The following CDK14 variants were observed in gnomAD, a reference collection of about 807,000 sequenced individuals.
CDK14 encodes the protein cyclin dependent kinase 14, also known as cyclin-dependent kinase 14.
CDK14 carries 34 observed loss-of-function variants against 60.7 expected under a neutral mutation model. The observed-to-expected ratio is 0.56, with a 90% CI of 0.43 to 0.75. The LOEUF (loss-of-function observed/expected upper bound fraction) is 0.75, where lower values mean the gene tolerates loss of function less well. Ranked by LOEUF, CDK14 falls within the 30% of genes least tolerant of loss-of-function variation. The pLI, the probability that CDK14 is intolerant of heterozygous loss-of-function variation, is 0.00. For missense variants in CDK14, 482 were observed against 564.1 expected, an observed-to-expected ratio of 0.85 and a Z score of 1.47; for synonymous variants, 197 against 203.7, an observed-to-expected ratio of 0.97 and a Z score of 0.28.
At chr7:91,168,132 C>T (rs1008601489) in intron 14 of CDK14, among the ~76,000 whole-genome samples, 2 of 151,918 alleles carry the variant, frequency 1.3e-5, no homozygotes, top group Non-Finnish European at 2.9e-5. Context: ...CGTGGTGGCG[C>T]ACGTCTGTAA....
At chr7:91,039,840 C>T (rs1018154087) in intron 10 of CDK14, among the ~76,000 whole-genome samples, 6 of 152,014 alleles carry the variant, frequency 3.9e-5, no homozygotes, top group Non-Finnish European at 8.8e-5. Flanking sequence ...ACCCGTAGTC[C>T]TAGAACTTTG....
At chr7:90,644,007 G>C (rs1238030018) in intron 2 of CDK14, among the ~76,000 whole-genome samples, 1 of 152,162 alleles carries the variant, frequency 6.6e-6, no homozygotes, top group Non-Finnish European at 1.5e-5. Flanking sequence ...TATGGAAGTA[G>C]TTAAAATTAA....
chr7:91,018,712 A>G (rs1796363903), intron 10 of CDK14, among the ~76,000 whole-genome samples: 1 of 151,980 alleles, frequency 6.6e-6, no homozygotes, highest in South Asian at 2.1e-4. Context: ...AGTGTGCAGC[A>G]CCTCGCCCTT....
chr7:90,688,410 T>A (rs1801485326), intron 2 of CDK14, among the ~76,000 whole-genome samples: 1 of 152,204 alleles, frequency 6.6e-6, no homozygotes, highest in Non-Finnish European at 1.5e-5. Flanking sequence ...TTAATCTTTT[T>A]CTCTTAGGGT....
chr7:91,012,610 A>G (rs2115824145), intron 10 of CDK14, among the ~76,000 whole-genome samples: 1 of 152,256 alleles, frequency 6.6e-6, no homozygotes, highest in East Asian at 1.9e-4. Flanking sequence ...ACCTGTCTCT[A>G]GAATCACTTT....
chr7:90,597,036 G>T (rs1799207122), intron 1 of CDK14, among the ~76,000 whole-genome samples: 1 of 152,216 alleles, frequency 6.6e-6, no homozygotes, highest in African/African-American at 2.4e-5. Context: ...CCCCCACCGC[G>T]CAAGGGGCTG....
chr7:90,813,629 A>T (rs1388082629), intron 5 of CDK14, among the ~76,000 whole-genome samples: 1 of 152,060 alleles, frequency 6.6e-6, no homozygotes, highest in African/African-American at 2.4e-5. Flanking sequence ...TGTGCCTGTA[A>T]TCCCAGCTAC....
intron 11 of CDK14, among the ~76,000 whole-genome samples, 180 bp from the exon 12 acceptor site, chr7:91,079,252 T>C (rs1238722541): frequency 6.6e-6 from 1 of 152,220 alleles, no homozygotes; most frequent in Admixed American, 6.5e-5. Flanking sequence ...CACCGTTTAA[T>C]ATGTTGTTAT....
chr7:91,187,190 G>A (rs540023022), intron 14 of CDK14, among the ~76,000 whole-genome samples: 68 of 152,180 alleles, frequency 4.5e-4, no homozygotes, highest in African/African-American at 1.5e-3. Context: ...TACTCATCTC[G>A]TAGTTCTTTG....
At chr7:91,185,111 G>A (rs978485189) in intron 14 of CDK14, among the ~76,000 whole-genome samples, 2 of 147,990 alleles carry the variant, frequency 1.4e-5, no homozygotes, top group African/African-American at 5.0e-5. Context: ...TGAGTATCTC[G>A]TATGTCCCAG....
intron 14 of CDK14, among the ~76,000 whole-genome samples, chr7:91,132,169 A>G (rs952096851): frequency 2.0e-5 from 3 of 152,164 alleles, no homozygotes; most frequent in East Asian, 1.9e-4. Context: ...ATGAAGCTAT[A>G]TGGGAGAGCA....
chr7:91,045,063 A>G (rs1797194937), intron 10 of CDK14, among the ~76,000 whole-genome samples: 1 of 152,194 alleles, frequency 6.6e-6, no homozygotes, highest in Admixed American at 6.5e-5. Flanking sequence ...TAAATAGGGG[A>G]GCAAGGATTT....
At chr7:90,769,639 G>T (rs1029420979) in intron 4 of CDK14, among the ~76,000 whole-genome samples, 8 of 152,018 alleles carry the variant, frequency 5.3e-5, no homozygotes, top group African/African-American at 1.9e-4. Context: ...GCTAATTTTT[G>T]TATTTTTAGT....
intron 11 of CDK14, among the ~76,000 whole-genome samples, chr7:91,051,582 G>A (rs1797392056): frequency 6.6e-6 from 1 of 152,186 alleles, no homozygotes; most frequent in Non-Finnish European, 1.5e-5. Flanking sequence ...TGAGGTGAGA[G>A]ATTGTGCTGT....
intron 14 of CDK14, among the ~76,000 whole-genome samples, chr7:91,179,438 G>A (rs1379676711): frequency 1.4e-4 from 21 of 151,252 alleles, no homozygotes; most frequent in Non-Finnish European, 2.2e-4. Flanking sequence ...GCACCAGCAT[G>A]GCACATGTAT....
chr7:91,038,178 G>T (rs1030086836), intron 10 of CDK14, among the ~76,000 whole-genome samples: 4 of 152,174 alleles, frequency 2.6e-5, no homozygotes, highest in Non-Finnish European at 5.9e-5. Context: ...AGGAGGAAAA[G>T]CAGAAATCTT....
intron 5 of CDK14, among the ~76,000 whole-genome samples, chr7:90,860,825 G>A (rs1335876726): frequency 6.6e-6 from 1 of 152,058 alleles, no homozygotes; most frequent in South Asian, 2.1e-4. Context: ...GCCTGGCCGC[G>A]TCTCATTCCT....
intron 10 of CDK14, among the ~76,000 whole-genome samples, chr7:91,026,801 C>T (rs1335494551): frequency 6.6e-6 from 1 of 152,100 alleles, no homozygotes; most frequent in Non-Finnish European, 1.5e-5. Context: ...ATGGTGAGGC[C>T]CCCTCCTCCT....
chr7:90,635,217 G>A (rs1800111117), intron 2 of CDK14, among the ~76,000 whole-genome samples: 1 of 152,208 alleles, frequency 6.6e-6, no homozygotes, highest in South Asian at 2.1e-4. Flanking sequence ...CCATGCCTAT[G>A]TCCTGACTGG....
Sources: allele counts gnomAD v4.1 joint callset (sites outside exome capture counted in the v4.1 genomes callset), GRCh38; gene constraint gnomAD v4.1.1; transcripts MANE v1.5; gene names NCBI Gene and HGNC (gene_info 2026-07-23, HGNC 2026-07-21).